The following CTNNA2 variants were observed in gnomAD, a reference collection of about 807,000 sequenced individuals.
The protein encoded by CTNNA2 is catenin alpha 2, also known as catenin alpha-2.
CTNNA2 carries 42 observed loss-of-function variants against 101.0 expected under a neutral mutation model. The observed-to-expected ratio is 0.42, with a 90% CI of 0.32 to 0.54. The LOEUF (loss-of-function observed/expected upper bound fraction) is 0.54, where lower values mean the gene tolerates loss of function less well. Ranked by LOEUF, CTNNA2 falls within the 20% of genes least tolerant of loss-of-function variation. The pLI is 0.14. For missense variants in CTNNA2, 871 were observed against 1,223.1 expected (o/e 0.71, Z 4.29); for synonymous variants, 450 against 456.4 (o/e 0.99, Z 0.18).
At chr2:79,479,698 G>C (rs891055758) in intron 4 of CTNNA2, among the ~76,000 whole-genome samples, 1 of 152,020 alleles carries the variant, frequency 6.6e-6, no homozygotes, top group Admixed American at 6.6e-5. Context: ...CGAGGCGGGC[G>C]GATTGCCTGA....
intron 15 of CTNNA2, among the ~76,000 whole-genome samples, chr2:80,596,350 C>A (rs1450019511): frequency 9.3e-6 from 1 of 107,274 alleles, no homozygotes; most frequent in African/African-American, 3.6e-5. Flanking sequence ...CGCTCTGTTG[C>A]CAAGGCTGGA....
intron 4 of CTNNA2, chr2:79,493,574 A>G (rs1237766038): frequency 6.6e-6 from 1 of 152,222 alleles, no homozygotes; most frequent in Non-Finnish European, 1.5e-5. Flanking sequence ...CGAGACCGCA[A>G]CACTGCACTC....
At chr2:80,261,051 G>A (rs1347066787) in intron 7 of CTNNA2, among the ~76,000 whole-genome samples, 1 of 152,130 alleles carries the variant, frequency 6.6e-6, no homozygotes. Flanking sequence ...GACTCTGCAC[G>A]GTTCTAAACA....
intron 7 of CTNNA2, among the ~76,000 whole-genome samples, chr2:79,935,062 T>C (rs1241678079): frequency 6.6e-6 from 1 of 152,172 alleles, no homozygotes; most frequent in Non-Finnish European, 1.5e-5. Flanking sequence ...TAGCATTATC[T>C]CCTTGACGGA....
chr2:79,372,179 T>C (rs918554286), intron 3 of CTNNA2, among the ~76,000 whole-genome samples: 3 of 152,092 alleles, frequency 2.0e-5, no homozygotes, highest in African/African-American at 4.8e-5. Flanking sequence ...TCCTGACTGA[T>C]GGCATCTGGT....
At chr2:80,162,465 GCCATTTT>G in intron 7 of CTNNA2, 3 of 1,596,808 alleles carry the variant, frequency 1.9e-6, no homozygotes, top group Non-Finnish European at 2.6e-6. Flanking sequence ...CGAGATGAGC[GCCATTTT>G]CCATCTCTGC....
Position 79,449,953 on chromosome 2 carries a change from C to T in CTNNA2, c.-134-55101C>T, listed in dbSNP as rs370845640. ...TGTGTGCCGTTACTCCAACAAGTCT[C>T]GAACGCACAGATATTTCTATTCCAG... On this transcript the variant is annotated intron_variant, in intron 4 of 21. Transcript: ENST00000466387. Among the ~76,000 whole-genome samples the T allele has an allele frequency of 3.3e-5, 5 of 152,056 alleles. No homozygotes were observed. The East Asian group carries it at 5.8e-4, about 18-fold the overall frequency.
intron 7 of CTNNA2, among the ~76,000 whole-genome samples, chr2:80,117,742 G>A (rs1701605925): frequency 6.6e-6 from 1 of 152,102 alleles, no homozygotes; most frequent in South Asian, 2.1e-4. Context: ...GATCATGCTG[G>A]TGGCAGCCTC....
chr2:80,069,440 A>T (rs975558125), intron 7 of CTNNA2, among the ~76,000 whole-genome samples: 6 of 152,220 alleles, frequency 3.9e-5, no homozygotes, highest in African/African-American at 1.4e-4. Flanking sequence ...TTTTTAAATC[A>T]TACTTTATCT....
chr2:79,687,557 C>G (rs183120892), intron 2 of CTNNA2: 205 of 704,214 alleles, frequency 2.9e-4, no homozygotes, highest in Non-Finnish European at 4.8e-4. Flanking sequence ...TTTTGTTTGC[C>G]TTGCAGTGCA....
At chr2:79,887,922 T>G (rs1415534948) in intron 6 of CTNNA2, among the ~76,000 whole-genome samples, 1 of 152,142 alleles carries the variant, frequency 6.6e-6, no homozygotes, top group East Asian at 1.9e-4. Context: ...CCAGCATTCT[T>G]TATCCTACAC....
intron 7 of CTNNA2, among the ~76,000 whole-genome samples, chr2:80,069,469 A>C (rs2148774878): frequency 6.6e-6 from 1 of 152,294 alleles, no homozygotes; most frequent in Admixed American, 6.5e-5. Flanking sequence ...AAATAATAGA[A>C]ATTTATAATT....
intron 9 of CTNNA2, among the ~76,000 whole-genome samples, chr2:80,466,545 C>A (rs1466337648): frequency 6.6e-6 from 1 of 151,940 alleles, no homozygotes; most frequent in Non-Finnish European, 1.5e-5. Flanking sequence ...ATGTTGTAGA[C>A]AATATTTTTG....
At chr2:80,500,728 A>C (rs924860051) in intron 9 of CTNNA2, among the ~76,000 whole-genome samples, 2 of 152,122 alleles carry the variant, frequency 1.3e-5, no homozygotes, top group African/African-American at 4.8e-5. Context: ...TCCTAGATTC[A>C]GTGTGTACTG....
intron 3 of CTNNA2, among the ~76,000 whole-genome samples, chr2:79,340,833 CAAAAAAAAAA>C (rs56276462): frequency 3.1e-5 from 1 of 32,534 alleles, no homozygotes; most frequent in Non-Finnish European, 5.4e-5. Flanking sequence ...GACTCAGTCT[CAAAAAAAAAA>C]AAAAAAAAAA....
intron 7 of CTNNA2, among the ~76,000 whole-genome samples, chr2:80,143,184 A>G (rs1455683767): frequency 6.6e-6 from 1 of 152,188 alleles, no homozygotes; most frequent in African/African-American, 2.4e-5. Context: ...TTACGGCCCA[A>G]GTGTCCTTCC....
chr2:79,803,732 T>A (rs1676349165), intron 3 of CTNNA2, among the ~76,000 whole-genome samples: 1 of 152,246 alleles, frequency 6.6e-6, no homozygotes, highest in Non-Finnish European at 1.5e-5. Context: ...GGGGGCTTGC[T>A]CCCAGCACTT....
At chr2:79,290,967 G>A (rs771998218) in intron 2 of CTNNA2, among the ~76,000 whole-genome samples, 18 of 152,058 alleles carry the variant, frequency 1.2e-4, no homozygotes, top group South Asian at 2.1e-4. Context: ...TGTAATACAC[G>A]CCCACTGGGG....
chr2:79,377,871 A>G (rs1174767388), intron 4 of CTNNA2, among the ~76,000 whole-genome samples: 1 of 152,138 alleles, frequency 6.6e-6, no homozygotes, highest in Non-Finnish European at 1.5e-5. Context: ...TTGTTCTGCC[A>G]TGAGTAATAC....
Sources: allele counts gnomAD v4.1 joint callset (sites outside exome capture counted in the v4.1 genomes callset), GRCh38; gene constraint gnomAD v4.1.1; transcripts MANE v1.5; gene names NCBI Gene and HGNC (gene_info 2026-07-23, HGNC 2026-07-21).